Variants in DRC11 observed in about 807,000 individuals in gnomAD.
The protein encoded by DRC11 is IQ and AAA domain-containing protein 1.
At chr2:236,481,844 A>G in the DRC11 span, among the ~76,000 whole-genome samples, 1 of 150,792 alleles carries the variant, frequency 6.6e-6, no homozygotes, top group African/African-American at 2.4e-5. Context: ...AATTATACAT[A>G]TTATATGTAT....
At chr2:236,469,984 A>G in the DRC11 span, among the ~76,000 whole-genome samples, 2 of 152,354 alleles carry the variant, frequency 1.3e-5, no homozygotes, top group Non-Finnish European at 2.9e-5. The surrounding 1 kb of genome is among the most constrained non-coding windows in gnomAD (Gnocchi z 5.8). Flanking sequence ...AGAACTGGAT[A>G]ACGAAACCTA....
chr2:236,357,979 C>T, the DRC11 span, among the ~76,000 whole-genome samples: 10 of 108,594 alleles, frequency 9.2e-5, no homozygotes, highest in East Asian at 2.6e-3. Context: ...AATATATACT[C>T]ATATATAAAT....
chr2:236,316,145 TTCTCTCTCTC>T, the DRC11 span, among the ~76,000 whole-genome samples: 12,775 of 146,186 alleles, frequency 0.087, 1,254 homozygotes, highest in East Asian at 0.25. The surrounding 1 kb of genome is among the most constrained non-coding windows in gnomAD (Gnocchi z 6.8). Flanking sequence ...ACTTATTTTC[TTCTCTCTCTC>T]TCTCTCTCTC....
At chr2:236,456,228 A>G in the DRC11 span, among the ~76,000 whole-genome samples, 1 of 152,150 alleles carries the variant, frequency 6.6e-6, no homozygotes, top group African/African-American at 2.4e-5. The surrounding 1 kb of genome is among the most constrained non-coding windows in gnomAD (Gnocchi z 5.4). Context: ...ATACTTACAA[A>G]TCTATATTAC....
chr2:236,316,353 G>A, the DRC11 span, among the ~76,000 whole-genome samples: 1 of 152,102 alleles, frequency 6.6e-6, no homozygotes, highest in Non-Finnish European at 1.5e-5. The surrounding 1 kb of genome is among the most constrained non-coding windows in gnomAD (Gnocchi z 6.8). Context: ...AGTAGAGATA[G>A]GGTTTCACCA....
chr2:236,463,236 T>C, the DRC11 span, among the ~76,000 whole-genome samples: 2 of 152,202 alleles, frequency 1.3e-5, no homozygotes, highest in African/African-American at 2.4e-5. The surrounding 1 kb of genome is among the most constrained non-coding windows in gnomAD (Gnocchi z 5.0). Context: ...GACAAATGTA[T>C]GCTCTCATGA....
At chr2:236,491,163 A>G in the DRC11 span, among the ~76,000 whole-genome samples, 6 of 75,060 alleles carry the variant, frequency 8.0e-5, no homozygotes, top group East Asian at 2.8e-4. Context: ...CACACAGTAT[A>G]TATATATATA....
chr2:236,419,343 A>T, the DRC11 span: 1 of 1,486,636 alleles, frequency 6.7e-7, no homozygotes, highest in Non-Finnish European at 8.9e-7. The surrounding 1 kb of genome is among the most constrained non-coding windows in gnomAD (Gnocchi z 4.8). Context: ...TCCCTGTCTG[A>T]AAGGAAGTTT....
the DRC11 span, among the ~76,000 whole-genome samples, chr2:236,370,020 A>G: frequency 2.6e-5 from 4 of 152,312 alleles, no homozygotes; most frequent in South Asian, 6.2e-4. The surrounding 1 kb of genome is among the most constrained non-coding windows in gnomAD (Gnocchi z 5.5). Flanking sequence ...AGCATCTCAG[A>G]ACGCGACCTT....
At chr2:236,417,861 G>C in the DRC11 span, among the ~76,000 whole-genome samples, 2 of 152,036 alleles carry the variant, frequency 1.3e-5, no homozygotes, top group Admixed American at 1.3e-4. Context: ...AGTTTGCTGA[G>C]GATGATAGTT....
the DRC11 span, among the ~76,000 whole-genome samples, chr2:236,416,538 A>G: frequency 6.6e-6 from 1 of 151,416 alleles, no homozygotes; most frequent in Non-Finnish European, 1.5e-5. Flanking sequence ...AGTGAACATC[A>G]GTGGAACGTG....
At chr2:236,408,620 G>T in the DRC11 span, 1 of 725,256 alleles carries the variant, frequency 1.4e-6, no homozygotes. This position sits in a 1 kb window ranked among gnomAD's most constrained non-coding sequence, Gnocchi z 5.5. Flanking sequence ...TCTTCATGCT[G>T]CTGAAGTCCT....
At chr2:236,480,588 A>G in the DRC11 span, among the ~76,000 whole-genome samples, 1 of 152,202 alleles carries the variant, frequency 6.6e-6, no homozygotes, top group African/African-American at 2.4e-5. Context: ...TTATTTCAAT[A>G]TCTTTGTTAA....
the DRC11 span, chr2:236,408,875 G>C: frequency 1.5e-6 from 1 of 652,988 alleles, no homozygotes; most frequent in African/African-American, 1.8e-5. This position sits in a 1 kb window ranked among gnomAD's most constrained non-coding sequence, Gnocchi z 5.5. Flanking sequence ...CCTCCTTCTT[G>C]TTCACGTTGG....
At chr2:236,416,477 A>C in the DRC11 span, among the ~76,000 whole-genome samples, 1 of 151,646 alleles carries the variant, frequency 6.6e-6, no homozygotes, top group African/African-American at 2.4e-5. Context: ...CTGCCAGTGA[A>C]TTGGGTTGTG....
At chr2:236,363,750 G>A in the DRC11 span, 1 of 1,496,078 alleles carries the variant, frequency 6.7e-7, no homozygotes, top group African/African-American at 1.4e-5. The surrounding 1 kb of genome is among the most constrained non-coding windows in gnomAD (Gnocchi z 5.6). Flanking sequence ...AGAGGGAGGA[G>A]AGTTGGAAAC....
the DRC11 span, among the ~76,000 whole-genome samples, chr2:236,457,078 G>T: frequency 1.2e-4 from 18 of 152,230 alleles, no homozygotes; most frequent in Non-Finnish European, 1.9e-4. The surrounding 1 kb of genome is among the most constrained non-coding windows in gnomAD (Gnocchi z 4.7). Flanking sequence ...ACCCCTTTAC[G>T]ATACTTTAAC....
chr2:236,322,687 A>G, the DRC11 span, among the ~76,000 whole-genome samples: 1 of 152,204 alleles, frequency 6.6e-6, no homozygotes, highest in Non-Finnish European at 1.5e-5. Context: ...GGAAAAAGGG[A>G]GTGAGTGTGT....
At chr2:236,484,918 C>T in the DRC11 span, among the ~76,000 whole-genome samples, 1 of 152,218 alleles carries the variant, frequency 6.6e-6, no homozygotes, top group Non-Finnish European at 1.5e-5. Flanking sequence ...GAGGGTTCTT[C>T]CTGCCTTATT....
Sources: allele counts gnomAD v4.1 joint callset (sites outside exome capture counted in the v4.1 genomes callset), GRCh38; gene constraint gnomAD v4.1.1; non-coding constraint Gnocchi (gnomAD v3.1); transcripts MANE v1.5; gene names NCBI Gene and HGNC (gene_info 2026-07-23, HGNC 2026-07-21).